Variants in RALGPS1 observed in about 807,000 individuals in gnomAD.
RALGPS1 encodes ras-specific guanine nucleotide-releasing factor RalGPS1.
A neutral mutation model predicts 78.8 loss-of-function variants in RALGPS1; 19 were observed. The ratio of observed to expected loss-of-function variants is 0.24; its 90% CI spans 0.17 to 0.35. RALGPS1 has a LOEUF of 0.35. RALGPS1 is among the 10% of genes least tolerant of loss of function. The pLI, the probability that RALGPS1 is intolerant of heterozygous loss-of-function variation, is 1.00. For synonymous variants in RALGPS1, 228 were observed against 256.3 expected (o/e 0.89, Z 1.06); for missense variants, 454 against 688.3 (o/e 0.66, Z 3.81).
intron 4 of RALGPS1, among the ~76,000 whole-genome samples, chr9:127,022,317 C>G (rs1310429111): frequency 6.6e-6 from 1 of 152,118 alleles, no homozygotes; most frequent in African/African-American, 2.4e-5. Flanking sequence ...AAGTGAGTTG[C>G]TCTCACATAA....
chr9:127,130,425 C>T (rs2056925424), intron 8 of RALGPS1, among the ~76,000 whole-genome samples: 1 of 152,192 alleles, frequency 6.6e-6, no homozygotes, highest in African/African-American at 2.4e-5. Context: ...TTTTGTATCT[C>T]TCCGGACAGC....
chr9:127,148,892 G>A (rs768331718), intron 8 of RALGPS1, among the ~76,000 whole-genome samples: 19 of 152,224 alleles, frequency 1.2e-4, no homozygotes, highest in Non-Finnish European at 2.8e-4. Flanking sequence ...TTGGAGAGGA[G>A]TGGAAACTGA....
intron 1 of RALGPS1, among the ~76,000 whole-genome samples, chr9:126,958,126 T>TAAAAAAAAAAAAAA (rs11290290): frequency 2.6e-5 from 2 of 77,560 alleles, no homozygotes; most frequent in East Asian, 4.3e-4. Flanking sequence ...GCTGTCTCTT[T>TAAAAAAAAAAAAAA]AAAAAAAAAA....
chr9:127,137,295 G>A (rs1446169503), intron 8 of RALGPS1, among the ~76,000 whole-genome samples: 1 of 152,234 alleles, frequency 6.6e-6, no homozygotes, highest in Non-Finnish European at 1.5e-5. Flanking sequence ...CTCTAGGCCA[G>A]TTGGAGTCCT....
At chr9:127,093,935 A>G (rs1371903380) in intron 8 of RALGPS1, 1 of 1,612,884 alleles carries the variant, frequency 6.2e-7, no homozygotes, top group Non-Finnish European at 8.5e-7. Flanking sequence ...GCCTGGGGAC[A>G]CAGACATGCA....
At chr9:127,171,802 G>C (rs777221790) in intron 10 of RALGPS1, among the ~76,000 whole-genome samples, 4 of 152,102 alleles carry the variant, frequency 2.6e-5, no homozygotes, top group African/African-American at 4.8e-5. Flanking sequence ...ACATTAGGAG[G>C]CTTGAGTCAA....
chr9:127,051,748 T>C (rs2048319403), intron 6 of RALGPS1, among the ~76,000 whole-genome samples: 6 of 152,220 alleles, frequency 3.9e-5, no homozygotes, highest in Admixed American at 3.9e-4. Context: ...GGCACTGTAC[T>C]GGGTACCAGA....
At chr9:127,008,801 A>G (rs954087349) in intron 4 of RALGPS1, among the ~76,000 whole-genome samples, 1 of 152,188 alleles carries the variant, frequency 6.6e-6, no homozygotes, top group Non-Finnish European at 1.5e-5. Context: ...TTATTGGGAG[A>G]GTTCATGTAT....
At position 127,220,621 on chromosome 9, in the gene RALGPS1, C is replaced by T. The variant is rs760333972; in HGVS notation, c.*1852C>T. On this transcript the variant is annotated 3_prime_UTR_variant, in exon 19 of 19. Coordinates refer to ENST00000259351, the MANE Select transcript of RALGPS1 (RefSeq NM_014636.3). ...GACTATTCAAATCAGCATCTAGAGGCTGAATGACAATGCCAAACACTCCAC... is the reference window on the plus strand; with the variant it reads ...GACTATTCAAATCAGCATCTAGAGGTTGAATGACAATGCCAAACACTCCAC... 1 of 152,228 alleles carries T rather than the reference C, an allele frequency of 6.6e-6. No homozygotes were observed. The highest frequency in any genetic ancestry group is 2.4e-5 in the African/African-American group (1 of 41,452). 9.4% of individuals were successfully genotyped at this position (152,228 alleles called of 1,614,324 possible).
At chr9:127,194,447 CTG>C (rs2061245930) in intron 11 of RALGPS1, among the ~76,000 whole-genome samples, 1 of 152,198 alleles carries the variant, frequency 6.6e-6, no homozygotes, top group Non-Finnish European at 1.5e-5. Context: ...GAGTCTCACT[CTG>C]TTGCCCAGGC....
chr9:126,922,563 A>G (rs1275217119), intron 1 of RALGPS1, among the ~76,000 whole-genome samples: 4 of 152,250 alleles, frequency 2.6e-5, no homozygotes, highest in Non-Finnish European at 5.9e-5. Context: ...GTGGAATTAC[A>G]GAGAGGATTA....
intron 3 of RALGPS1, among the ~76,000 whole-genome samples, chr9:126,967,590 G>A (rs568359559): frequency 6.6e-6 from 1 of 151,944 alleles, no homozygotes; most frequent in South Asian, 2.1e-4. Flanking sequence ...AGGCTGAAGT[G>A]CAGTGGCACA....
At chr9:127,114,495 A>T (rs2055190510) in intron 8 of RALGPS1, among the ~76,000 whole-genome samples, 1 of 152,224 alleles carries the variant, frequency 6.6e-6, no homozygotes, top group African/African-American at 2.4e-5. Flanking sequence ...AGGCAGGACG[A>T]CGACAGGAGT....
At chr9:127,123,065 CT>C (rs1387598587) in intron 8 of RALGPS1, among the ~76,000 whole-genome samples, 7 of 152,238 alleles carry the variant, frequency 4.6e-5, no homozygotes, top group Non-Finnish European at 8.8e-5. Context: ...GGTCCTCCCC[CT>C]GGATGCCTCG....
chr9:127,006,128 G>C (rs1301216739), intron 4 of RALGPS1, among the ~76,000 whole-genome samples: 1 of 152,198 alleles, frequency 6.6e-6, no homozygotes, highest in African/African-American at 2.4e-5. Flanking sequence ...AGAGCTAGAA[G>C]CATTACCCTG....
chr9:127,053,927 C>T (rs1039696356), intron 7 of RALGPS1, among the ~76,000 whole-genome samples: 4 of 152,170 alleles, frequency 2.6e-5, no homozygotes, highest in Non-Finnish European at 2.9e-5. Context: ...GACTTCTGTG[C>T]GACTTATTTT....
At chr9:127,031,735 A>T (rs2046448050) in intron 4 of RALGPS1, among the ~76,000 whole-genome samples, 1 of 152,230 alleles carries the variant, frequency 6.6e-6, no homozygotes, top group Non-Finnish European at 1.5e-5. Context: ...TTATCAAAGT[A>T]CTTCTCAAAC....
At chr9:126,989,909 G>C (rs900339656) in intron 4 of RALGPS1, 2 of 1,550,456 alleles carry the variant, frequency 1.3e-6, no homozygotes. Context: ...TGGCCTGCCA[G>C]AATGGAAGAC....
intron 8 of RALGPS1, among the ~76,000 whole-genome samples, chr9:127,129,996 A>T (rs2056896667): frequency 6.6e-6 from 1 of 151,862 alleles, no homozygotes; most frequent in South Asian, 2.1e-4. Flanking sequence ...TACCTTCTGG[A>T]TTTGGGTTAG....
Sources: gnomAD v4.1 joint callset for allele counts (sites outside exome capture counted in the v4.1 genomes callset) on GRCh38, gnomAD v4.1.1 for gene constraint, MANE v1.5 for transcripts, NCBI Gene and HGNC (gene_info 2026-07-23, HGNC 2026-07-21) for gene names.